GLI3: variants seen among roughly 807,000 people sequenced by gnomAD.
GLI3 encodes GLI family zinc finger 3.
GLI3 carries 20 observed loss-of-function variants against 100.8 expected under a neutral mutation model. That is an observed-to-expected ratio of 0.20 (90% CI 0.14 to 0.29). GLI3 has a LOEUF of 0.29. Among genes scored for constraint, GLI3 ranks in the 10% least tolerant of loss-of-function variants. The pLI, the probability that GLI3 is intolerant of heterozygous loss-of-function variation, is 1.00. For synonymous variants in GLI3, 938 were observed against 860.5 expected (o/e 1.09, Z -1.58); for missense variants, 2,040 against 2,128.5 (o/e 0.96, Z 0.82).
chr7:42,073,321 G>C (rs530715758), intron 4 of GLI3, among the ~76,000 whole-genome samples: 9 of 152,192 alleles, frequency 5.9e-5, no homozygotes, highest in African/African-American at 2.2e-4. Context: ...TAGCAAACTG[G>C]GTTCTTTAAC....
At chr7:42,054,875 G>T (rs1445682542) in intron 4 of GLI3, among the ~76,000 whole-genome samples, 1 of 151,562 alleles carries the variant, frequency 6.6e-6, no homozygotes, top group African/African-American at 2.4e-5. Flanking sequence ...TACAGTCCCA[G>T]TCCCAGCTAC....
At chr7:42,013,003 C>T (rs764518276) in intron 10 of GLI3, among the ~76,000 whole-genome samples, 1 of 152,164 alleles carries the variant, frequency 6.6e-6, no homozygotes, top group Non-Finnish European at 1.5e-5. Flanking sequence ...ACACCATGTC[C>T]CTTTAGGCAG....
chr7:42,105,624 G>A (rs1405357708), intron 3 of GLI3, among the ~76,000 whole-genome samples: 1 of 152,102 alleles, frequency 6.6e-6, no homozygotes, highest in Admixed American at 6.5e-5. Flanking sequence ...ATCTTTTCAG[G>A]AAATGTACAT....
intron 1 of GLI3, among the ~76,000 whole-genome samples, chr7:42,258,644 G>A (rs1156945675): frequency 6.6e-6 from 1 of 152,214 alleles, no homozygotes; most frequent in African/African-American, 2.4e-5. Context: ...AGGCTGAGAA[G>A]TCCAAGAGCA....
At chr7:42,144,636 C>T (rs1423751449) in intron 3 of GLI3, among the ~76,000 whole-genome samples, 2 of 151,572 alleles carry the variant, frequency 1.3e-5, no homozygotes, top group African/African-American at 2.4e-5. Flanking sequence ...ATAATAAAAT[C>T]TTGTGCAATA....
In GLI3 at chr7:41,963,012, CA is replaced by C. The variant is rs1176212904; in HGVS notation, c.*1317del. The C allele has an allele frequency of 6.6e-6, 1 of 152,150 alleles. No individual in the cohort carries two copies. Among genetic ancestry groups the C allele is most frequent in the Non-Finnish European group, 1.5e-5 (1 of 68,012 alleles). The allele number at this position is 152,150 out of a possible 1,614,324, so 9.4% of individuals were successfully genotyped here. A position where few individuals can be genotyped will look rare whatever the true frequency, so the allele number is the denominator to read the frequency against. On this transcript the variant is annotated 3_prime_UTR_variant, in exon 15 of 15. Transcript: ENST00000395925. ...AATCTTTAAATGTTTTAATCCAAAA[CA>C]AAAGTACAGATCCAGTCCACATTAA...
At chr7:42,110,716 A>C (rs1357177128) in intron 3 of GLI3, among the ~76,000 whole-genome samples, 2 of 152,240 alleles carry the variant, frequency 1.3e-5, no homozygotes, top group East Asian at 3.8e-4. Context: ...AAAGTAGAGC[A>C]CATACTAACT....
chr7:41,968,801 A>G (rs955394283), intron 13 of GLI3, among the ~76,000 whole-genome samples: 2 of 151,554 alleles, frequency 1.3e-5, no homozygotes, highest in Admixed American at 1.3e-4. Flanking sequence ...AGAAAGAAAG[A>G]AAGGCTGCAG....
intron 10 of GLI3, among the ~76,000 whole-genome samples, chr7:41,996,382 T>C (rs546699348): frequency 6.6e-6 from 1 of 152,262 alleles, no homozygotes; most frequent in South Asian, 2.1e-4. Flanking sequence ...GCATCAGCAG[T>C]TCAAACATAC....
intron 5 of GLI3, among the ~76,000 whole-genome samples, chr7:42,045,957 A>G (rs1266049143): frequency 1.3e-5 from 2 of 152,230 alleles, no homozygotes; most frequent in African/African-American, 4.8e-5. Context: ...GCTTTCTGAC[A>G]AGAGTGTCTG....
intron 2 of GLI3, among the ~76,000 whole-genome samples, chr7:42,204,838 C>T (rs183676332): frequency 2.6e-4 from 39 of 152,178 alleles, no homozygotes; most frequent in Admixed American, 2.2e-3. Context: ...ACGACTTCCC[C>T]GAGACTCTCC....
At chr7:42,113,327 G>A (rs1785763235) in intron 3 of GLI3, 1 of 625,248 alleles carries the variant, frequency 1.6e-6, no homozygotes, top group East Asian at 3.5e-5. Context: ...ACCACATCCT[G>A]TGCCCAGCAC....
At chr7:42,063,888 C>T (rs1784622000) in intron 4 of GLI3, among the ~76,000 whole-genome samples, 2 of 152,080 alleles carry the variant, frequency 1.3e-5, no homozygotes, top group Non-Finnish European at 2.9e-5. Flanking sequence ...TTTTTAAACC[C>T]AAAGAAAAAC....
At chr7:42,053,717 G>A (rs1445732588) in intron 4 of GLI3, among the ~76,000 whole-genome samples, 1 of 152,172 alleles carries the variant, frequency 6.6e-6, no homozygotes, top group Non-Finnish European at 1.5e-5. Flanking sequence ...CTCAGTCATT[G>A]GAGGGAGACA....
At chr7:42,113,049 T>C (rs1785754029) in intron 3 of GLI3, among the ~76,000 whole-genome samples, 1 of 151,996 alleles carries the variant, frequency 6.6e-6, no homozygotes, top group African/African-American at 2.4e-5. Flanking sequence ...GGCAGGAGCC[T>C]GTAATCCCAG....
At chr7:42,161,968 A>G (rs1340817114) in intron 2 of GLI3, among the ~76,000 whole-genome samples, 2 of 152,204 alleles carry the variant, frequency 1.3e-5, no homozygotes, top group Non-Finnish European at 2.9e-5. Flanking sequence ...CAATTCATAC[A>G]GACTCATCCA....
At chr7:42,026,812 G>A (rs1203710050) in intron 7 of GLI3, among the ~76,000 whole-genome samples, 1 of 152,144 alleles carries the variant, frequency 6.6e-6, no homozygotes, top group Admixed American at 6.5e-5. Context: ...CACACTGCAC[G>A]CTTTCATATG....
intron 3 of GLI3, among the ~76,000 whole-genome samples, chr7:42,094,519 T>C (rs1785295412): frequency 6.6e-6 from 1 of 151,978 alleles, no homozygotes; most frequent in African/African-American, 2.4e-5. Flanking sequence ...GTGGATCACT[T>C]GAGGTCAGGA....
intron 4 of GLI3, among the ~76,000 whole-genome samples, chr7:42,060,567 T>C (rs1030054701): frequency 3.9e-5 from 6 of 152,144 alleles, no homozygotes; most frequent in African/African-American, 1.2e-4. Flanking sequence ...TTTTAATCAG[T>C]TTGATTTCTG....
Sources: gnomAD v4.1 joint callset for allele counts (sites outside exome capture counted in the v4.1 genomes callset) on GRCh38, gnomAD v4.1.1 for gene constraint, MANE v1.5 for transcripts, NCBI Gene and HGNC (gene_info 2026-07-23, HGNC 2026-07-21) for gene names.